The following FASN variants were observed in gnomAD, a reference collection of about 807,000 sequenced individuals.
FASN encodes the protein fatty acid synthase, also known as 3-hydroxyacyl-[acyl-carrier-protein] dehydratase.
Under a neutral mutation model 250.0 loss-of-function variants are expected in FASN, and 50 were observed. The ratio of observed to expected loss-of-function variants is 0.20; its 90% confidence interval spans 0.16 to 0.25. The LOEUF (loss-of-function observed/expected upper bound fraction) is 0.25. Among genes scored for constraint, FASN ranks in the 10% least tolerant of loss-of-function variants. The pLI is 1.00. For synonymous variants in FASN, 1,909 were observed against 1,584.0 expected (o/e 1.21, Z -4.87); for missense variants, 3,031 against 3,498.5 (o/e 0.87, Z 3.37).
intron 29 of FASN, 25 bp downstream of exon 29, chr17:82,083,950 G>T: frequency 6.5e-7 from 1 of 1,545,032 alleles, no homozygotes; most frequent in Non-Finnish European, 8.7e-7. Context: ...GAGGGCAGCG[G>T]GAGGCACCGG....
rs749169363 is a variant in FASN, at chr17:82,080,445, C to G, written c.6972G>C (p.Gln2324His). The part of the protein sequence containing the change: ...AFEMCSQLQA[Q>H]QSPAPTHNSL... ...TGTTGTGGGTGGGGGCTGGGCTCTG[C>G]TGGGCCTGCAGCTGGGAGCACATTT... The change falls in exon 40 of 43, where the codon CAG becomes CAC. Residue 2324 changes from glutamine (Q) to histidine (H), a missense_variant. Gln to His is a conservative substitution (Grantham distance 24). Transcript: ENST00000306749. The G allele has an allele frequency of 6.3e-7, 1 of 1,595,246 alleles. No individual in the cohort carries two copies. The highest frequency in any genetic ancestry group is 8.5e-7 in the Non-Finnish European group (1 of 1,171,688).
intron 35 of FASN, 54 bp downstream of exon 35, chr17:82,082,269 C>A (rs1025691737): frequency 1.5e-5 from 24 of 1,606,564 alleles, no homozygotes; most frequent in Non-Finnish European, 2.0e-5. Context: ...TTGGCTCCCA[C>A]GGCCCTGAGC....
At position 82,085,504 on chromosome 17, in the gene FASN, T is replaced by C. The variant is rs1298470274; in HGVS notation, c.4100A>G (p.Tyr1367Cys). ...VAFLTSTEPQ[Y>C]GQGILSQDAW... ...CACCTGGCTCAGGATGCCCTGGCCATACTGCGGCTCAGTGGAGGTGAGGAA... is the reference window on the plus strand; with the variant it reads ...CACCTGGCTCAGGATGCCCTGGCCACACTGCGGCTCAGTGGAGGTGAGGAA... The change falls in exon 23 of 43, where the codon TAT becomes TGT. Residue 1367 changes from tyrosine to cysteine, a missense_variant. By Grantham distance (194) the Tyr-to-Cys change is radical. Transcript: ENST00000306749. 1 of 1,594,742 alleles carries C rather than the reference T, an allele frequency of 6.3e-7. No homozygotes were observed. The highest frequency in any genetic ancestry group is 8.5e-7 in the Non-Finnish European group (1 of 1,171,448).
In FASN at chr17:82,091,204, G is replaced by T; in HGVS notation, c.1492+18C>A. On this transcript the variant is annotated intron_variant, in intron 9 of 42. Coordinates refer to ENST00000306749, the MANE Select transcript of FASN (RefSeq NM_004104.5). ...TCCCCAGGGAAGGGACCACCTTGGGGGCAGAGTGTGGGCTCACCAGAGCAG... is the reference window on the plus strand; with the variant it reads ...TCCCCAGGGAAGGGACCACCTTGGGTGCAGAGTGTGGGCTCACCAGAGCAG... 6.2e-7 allele frequency: 1 copy of T among 1,601,174 alleles called. No homozygotes were observed. Among genetic ancestry groups the T allele is most frequent in the Non-Finnish European group, 8.5e-7 (1 of 1,177,170 alleles).
rs892297304 is a variant in FASN at position 82,090,499 on chromosome 17, C to T, written c.1746G>A (p.Leu582=). Residue 582 remains leucine, a synonymous_variant, in exon 11 of 43, where the codon CTG becomes CTA. Coordinates refer to ENST00000306749, the MANE Select transcript of FASN (RefSeq NM_004104.5). Reference sequence around the variant, plus strand: ...CGGCGTAGCCACAGGCCACCTCCCCCAGGGAGTGGCCGACGATGCCATCTG... The same window carrying T: ...CGGCGTAGCCACAGGCCACCTCCCCTAGGGAGTGGCCGACGATGCCATCTG... ...LRPDGIVGHS[L]GEVACGYADG... 1 of 1,611,192 alleles carries T rather than the reference C, an allele frequency of 6.2e-7. No individual in the cohort carries two copies. The highest frequency in any genetic ancestry group is 1.3e-5 in the African/African-American group (1 of 75,016).
In FASN at chr17:82,084,171, G is replaced by A. The variant is rs1431493543; in HGVS notation, c.4920-18C>T. On this transcript the variant is annotated intron_variant, in intron 28 of 42. Transcript: ENST00000306749. The stretch of plus-strand genomic sequence containing the variant: ...CCAGCGTCCTGGGGATGCAGCAGGT[G>A]GGTCAGCACAGGCCTGGCCGCCATC... The A allele has an allele frequency of 2.5e-6, 4 of 1,604,888 alleles. No individual in the cohort carries two copies. Among genetic ancestry groups the A allele is most frequent in the Non-Finnish European group, 2.5e-6 (3 of 1,176,524 alleles).
At chr17:82,094,530 C>T (rs1192122886) in intron 3 of FASN, among the ~76,000 whole-genome samples, 3 of 152,042 alleles carry the variant, frequency 2.0e-5, no homozygotes, top group African/African-American at 4.8e-5. Flanking sequence ...GTGGCTCATG[C>T]CTGTAATCCC....
At chr17:82,094,200 A>G in intron 3 of FASN, 1 of 302,750 alleles carries the variant, frequency 3.3e-6, no homozygotes, top group Non-Finnish European at 6.5e-6. Context: ...GCACCAGAAC[A>G]GGCCGTGATA....
chr17:82,094,110 C>A (rs866527315), intron 3 of FASN: 4 of 422,022 alleles, frequency 9.5e-6, no homozygotes, highest in Admixed American at 3.6e-5. Flanking sequence ...TGTCCCCAGG[C>A]GACGCCTTTG....
chr17:82,097,633 G>A (rs1455665252), intron 1 of FASN: 2 of 152,188 alleles, frequency 1.3e-5, no homozygotes, highest in Non-Finnish European at 2.9e-5. Context: ...CTTCGCCCCG[G>A]GCGGGGGCTG....
Position 82,081,201 on chromosome 17 carries a change from T to C in FASN, c.6558A>G (p.Lys2186=). 6.3e-7 allele frequency: 1 copy of C among 1,594,698 alleles called. No individual in the cohort carries two copies. The highest frequency in any genetic ancestry group is 8.5e-7 in the Non-Finnish European group (1 of 1,171,648). ...CCGCCTTTGAGGACAGCTCCTGCAG[T>C]TTCCGGAGCGTGAGTTGCCGCACCT... ...VREVRQLTLR[K]LQELSSKADE... Residue 2186 remains lysine (K), a synonymous_variant, in exon 38 of 43, where the codon AAA becomes AAG. Coordinates refer to ENST00000306749, the MANE Select transcript of FASN (RefSeq NM_004104.5).
At position 82,098,151 on chromosome 17, in the gene FASN, G is replaced by A. The variant is rs945637723; in HGVS notation, c.-38C>T. The A allele has an allele frequency of 8.4e-6, 3 of 355,420 alleles. No individual in the cohort carries two copies. The highest frequency in any genetic ancestry group is 1.5e-5 in the Non-Finnish European group (3 of 198,086). The allele number at this position is 355,420 out of a possible 1,614,324, so 22.0% of individuals were successfully genotyped here. A position where few individuals can be genotyped will look rare whatever the true frequency, so the allele number is the denominator to read the frequency against. Reference sequence around the variant, plus strand: ...GAGGGCGCGGGCGGCGGTGCGGGCGGCGGAGAGCGAGGCTGGAGCGCGGCG... The same window carrying A: ...GAGGGCGCGGGCGGCGGTGCGGGCGACGGAGAGCGAGGCTGGAGCGCGGCG... On this transcript the variant is annotated 5_prime_UTR_variant, in exon 1 of 43. Transcript: ENST00000306749.
At chr17:82,095,529 C>A in intron 2 of FASN, 57 bp from the exon 3 acceptor site, 1 of 1,598,552 alleles carries the variant, frequency 6.3e-7, no homozygotes, top group Non-Finnish European at 8.5e-7. Flanking sequence ...GGTGGGGGCC[C>A]TGTGGGGTGC....
chr17:82,092,749 C>G lies in FASN; in HGVS notation c.842G>C (p.Gly281Ala). The G allele has an allele frequency of 6.2e-7, 1 of 1,605,470 alleles. No homozygotes were observed. Among genetic ancestry groups the G allele is most frequent in the South Asian group, 1.1e-5 (1 of 90,106 alleles). The change falls in exon 7 of 43, where the codon GGA becomes GCA. Residue 281 changes from glycine to alanine, a missense_variant. By Grantham distance (60) the Gly-to-Ala change is moderately conservative. Coordinates refer to ENST00000306749, the MANE Select transcript of FASN (RefSeq NM_004104.5). Reference sequence around the variant, plus strand: ...GTATTCAAATGACTCAGGGGCCACTCCGGCCGACTGGTACAACGAGCGGAT... The same window carrying G: ...GTATTCAAATGACTCAGGGGCCACTGCGGCCGACTGGTACAACGAGCGGAT... ...QLIRSLYQSA[G>A]VAPESFEYIE...
Position 82,082,683 on chromosome 17 carries a change from G to A in FASN, c.5768-5C>T, listed in dbSNP as rs1346611124. ...GGACCTGCTTGGCCTGGTAGCCTGC[G>A]GGACACAGGACTGTGGGCTGGACTG... On this transcript the variant is annotated splice_polypyrimidine_tract_variant and splice_region_variant and intron_variant, in intron 33 of 42. Transcript: ENST00000306749. The A allele has an allele frequency of 1.9e-6, 3 of 1,607,702 alleles. No homozygotes were observed. Among genetic ancestry groups the A allele is most frequent in the Non-Finnish European group, 8.5e-7 (1 of 1,179,784 alleles).
At position 82,091,780 on chromosome 17, in the gene FASN, A is replaced by G. The variant is rs116933249; in HGVS notation, c.1030-96T>C. ...CTCCCCGAGACTCTCATGTGGGGCCAGGGTTCCAGGGCCCTCTCCGATGCA... is the reference window on the plus strand; with the variant it reads ...CTCCCCGAGACTCTCATGTGGGGCCGGGGTTCCAGGGCCCTCTCCGATGCA... On this transcript the variant is annotated intron_variant, in intron 8 of 42. Coordinates refer to ENST00000306749, the MANE Select transcript of FASN (RefSeq NM_004104.5). 9.2e-3 allele frequency: 10,352 copies of G among 1,131,158 alleles called. 65 individuals are homozygous for G. The highest frequency in any genetic ancestry group is 0.011 in the Non-Finnish European group (8,585 of 807,240). The allele number at this position is 1,131,158 out of a possible 1,614,324, so 70.1% of individuals were successfully genotyped here. A position where few individuals can be genotyped will look rare whatever the true frequency, so the allele number is the denominator to read the frequency against.
In FASN at chr17:82,079,015, G is replaced by A; in HGVS notation, c.*128C>T. ...CTAACACCTACATCTAGCAGCCTCG[G>A]GGGGCAGTGGCACTGGGCCGGACAG... On this transcript the variant is annotated 3_prime_UTR_variant, in exon 43 of 43. Coordinates refer to ENST00000306749, the MANE Select transcript of FASN (RefSeq NM_004104.5). 1 of 1,128,768 alleles carries A rather than the reference G, an allele frequency of 8.9e-7. No individual in the cohort carries two copies. The highest frequency in any genetic ancestry group is 1.3e-6 in the Non-Finnish European group (1 of 788,862). The allele number at this position is 1,128,768 out of a possible 1,614,324, so 69.9% of individuals were successfully genotyped here. A position where few individuals can be genotyped will look rare whatever the true frequency, so the allele number is the denominator to read the frequency against.
intron 41 of FASN, 97 bp downstream of exon 41, chr17:82,080,043 T>C: frequency 7.5e-7 from 1 of 1,333,808 alleles, no homozygotes. Context: ...TTGGGGGGCC[T>C]TTAACGCTCT....
Position 82,083,861 on chromosome 17 carries a change from G to T in FASN, c.5129C>A (p.Ala1710Asp). ...GSAEKRAYLQ[A>D]RFPQLDSTSF... is the part of the protein sequence containing the mutation. ...GGTGCTGTCGAGCTGGGGGAACCTG[G>T]CCTGGAGGTACGCCCGCTTCTCAGC... Residue 1710 changes from alanine (A) to aspartate (D), a missense_variant, in exon 30 of 43, where the codon GCC becomes GAC. Ala to Asp is a moderately radical substitution (Grantham distance 126, BLOSUM62 -2). Coordinates refer to ENST00000306749, the MANE Select transcript of FASN (RefSeq NM_004104.5). 6.3e-7 allele frequency: 1 copy of T among 1,586,508 alleles called. No homozygotes were observed. The highest frequency in any genetic ancestry group is 8.6e-7 in the Non-Finnish European group (1 of 1,166,990).
Sources: allele counts gnomAD v4.1 joint callset (sites outside exome capture counted in the v4.1 genomes callset), GRCh38; gene constraint gnomAD v4.1.1; transcripts MANE v1.5; gene names NCBI Gene and HGNC (gene_info 2026-07-23, HGNC 2026-07-21).